Variants in CSNK2A1 observed in about 807,000 individuals in gnomAD.
The protein encoded by CSNK2A1 is casein kinase II subunit alpha.
CSNK2A1 carries 10 observed loss-of-function variants against 62.9 expected under a neutral mutation model. The observed-to-expected ratio is 0.16, with a 90% CI of 0.10 to 0.27. CSNK2A1 has a LOEUF of 0.27. Among genes scored for constraint, CSNK2A1 ranks in the 10% least tolerant of loss-of-function variants. The pLI is 1.00. For missense variants in CSNK2A1, 160 were observed against 492.0 expected (o/e 0.33, Z 6.38); for synonymous variants, 124 against 167.8 (o/e 0.74, Z 2.02).
chr20:536,655 C>G (rs2019334699), intron 1 of CSNK2A1, among the ~76,000 whole-genome samples: 1 of 152,182 alleles, frequency 6.6e-6, no homozygotes, highest in Non-Finnish European at 1.5e-5. Flanking sequence ...ATTCTCTATT[C>G]TACCCCCTTC....
chr20:506,078 G>C (rs7267728), intron 3 of CSNK2A1: 9 of 151,574 alleles, frequency 5.9e-5, no homozygotes, highest in Non-Finnish European at 1.0e-4. Context: ...GGGTTTCACC[G>C]TGTTAGCCAG....
intron 4 of CSNK2A1, chr20:502,762 C>T (rs1158456058): frequency 6.6e-6 from 1 of 152,196 alleles, no homozygotes; most frequent in Non-Finnish European, 1.5e-5. Context: ...TTATTTTTTC[C>T]AGGCCTTCGC....
At chr20:520,742 C>T (rs1364392129) in intron 2 of CSNK2A1, among the ~76,000 whole-genome samples, 2 of 152,166 alleles carry the variant, frequency 1.3e-5, no homozygotes, top group Non-Finnish European at 2.9e-5. Context: ...TCAACTGATC[C>T]ACCTGCCTTG....
intron 9 of CSNK2A1, among the ~76,000 whole-genome samples, chr20:491,856 G>A (rs1434945578): frequency 2.6e-5 from 4 of 152,002 alleles, no homozygotes; most frequent in African/African-American, 7.3e-5. Flanking sequence ...CCTGGGAGGC[G>A]GAGCTTGCAG....
intron 7 of CSNK2A1, chr20:496,234 C>G (rs2018344526): frequency 6.0e-6 from 1 of 166,142 alleles, no homozygotes; most frequent in African/African-American, 2.4e-5. Flanking sequence ...CAAATTTGGC[C>G]TGATGTCTGC....
chr20:521,440 A>C (rs1271358865), intron 2 of CSNK2A1, among the ~76,000 whole-genome samples: 1 of 152,260 alleles, frequency 6.6e-6, no homozygotes, highest in Non-Finnish European at 1.5e-5. Flanking sequence ...ATGCAGAGTA[A>C]CAGTAACTAA....
chr20:490,337 T>TTTTTC (rs1195131899), intron 9 of CSNK2A1, among the ~76,000 whole-genome samples: 8 of 132,320 alleles, frequency 6.0e-5, no homozygotes, highest in African/African-American at 2.1e-4. Flanking sequence ...AGTTTTTTCT[T>TTTTTC]TTTTTTTTTT....
intron 1 of CSNK2A1, among the ~76,000 whole-genome samples, chr20:536,785 T>G (rs2019339789): frequency 6.6e-6 from 1 of 152,206 alleles, no homozygotes; most frequent in Admixed American, 6.5e-5. Context: ...TCAGAAAACG[T>G]CACTCAATTT....
intron 2 of CSNK2A1, among the ~76,000 whole-genome samples, chr20:522,178 G>T (rs2018965081): frequency 6.6e-6 from 1 of 152,178 alleles, no homozygotes; most frequent in Admixed American, 6.5e-5. Flanking sequence ...CTCCTTTAAG[G>T]AAAGGAAATA....
chr20:488,651 A>G lies in CSNK2A1; in HGVS notation c.824+27T>C, dbSNP rs751452414. On this transcript the variant is annotated intron_variant, in intron 11 of 13. Transcript: ENST00000217244. ...CACTCTCAAAGTGCTTAAGCCACAG[A>G]TGCACATATTTTGTTTCATGACTTA... The G allele has an allele frequency of 3.7e-6, 6 of 1,605,572 alleles. No homozygotes were observed. In the East Asian group the frequency reaches 1.3e-4, roughly 36 times the overall value.
chr20:485,109 A>ATAATAATAATAATAT (rs1366439608), intron 13 of CSNK2A1, among the ~76,000 whole-genome samples: 1 of 24,664 alleles, frequency 4.1e-5, no homozygotes, highest in African/African-American at 1.4e-4. Flanking sequence ...AAAAAAAAAA[A>ATAATAATAATAATAT]ATATATATAT....
At chr20:524,687 T>C (rs933751522) in intron 2 of CSNK2A1, among the ~76,000 whole-genome samples, 19 of 115,528 alleles carry the variant, frequency 1.6e-4, no homozygotes, top group African/African-American at 5.3e-4. Flanking sequence ...CACTCCAGCA[T>C]GGGTGACGGA....
Position 516,171 on chromosome 20 carries a change from C to A in CSNK2A1, c.-109-7511G>T, listed in dbSNP as rs560196045. Among the ~76,000 whole-genome samples the A allele has an allele frequency of 2.0e-4, 31 of 152,334 alleles. No homozygotes were observed. The South Asian group carries it at 2.3e-3, about 11-fold the overall frequency. ...AAGGCAATCTAACAAAATGCACTGC[C>A]TTTCTTATTAAGTTCCATTTTAAAT... is the stretch of plus-strand genomic sequence containing the variant. On this transcript the variant is annotated intron_variant, in intron 2 of 13. Coordinates refer to ENST00000217244, the MANE Select transcript of CSNK2A1 (RefSeq NM_177559.3).
intron 1 of CSNK2A1, among the ~76,000 whole-genome samples, chr20:534,155 T>C (rs1189252654): frequency 1.2e-4 from 19 of 152,154 alleles, no homozygotes; most frequent in Admixed American, 1.2e-3. Flanking sequence ...ATAAACAGAT[T>C]CAGAGGTTAA....
Position 508,547 on chromosome 20 carries a change from G to A in CSNK2A1, c.5C>T (p.Ser2Leu). 2.5e-6 allele frequency: 4 copies of A among 1,612,114 alleles called. No homozygotes were observed. The highest frequency in any genetic ancestry group is 3.4e-6 in the Non-Finnish European group (4 of 1,178,914). ...TCTGGCCCTGCTTGGCACGGGTCCC[G>A]ACATGTCAGACAGGTTGGCGGACAA... MSGPVPSRARVY... is the reference protein window; with the variant it reads MLGPVPSRARVY... The change falls in exon 3 of 14, where the codon TCG (serine) becomes TTG (leucine). Residue 2 changes from serine to leucine, a missense_variant. Physicochemically the swap from Ser to Leu is moderately radical, Grantham distance 145. This residue lies in a region of CSNK2A1 where 15 missense variants were observed against 25.6 expected (regional missense o/e 0.59). Coordinates refer to ENST00000217244, the MANE Select transcript of CSNK2A1 (RefSeq NM_177559.3).
intron 7 of CSNK2A1, 54 bp downstream of exon 7, chr20:497,667 T>C: frequency 6.9e-7 from 1 of 1,457,898 alleles, no homozygotes; most frequent in East Asian, 2.3e-5. Context: ...CAATTGACTA[T>C]TTAACAAAAA....
In CSNK2A1 at chr20:479,614, A is replaced by C. The variant is rs2017914638; in HGVS notation, c.*4347T>G. ...CCAGACAGAACTCTGTTAGAGGTAG[A>C]CCACTTGCAGTAACATTACATTGCT... On this transcript the variant is annotated 3_prime_UTR_variant, in exon 14 of 14. Transcript: ENST00000217244. 6.6e-6 allele frequency: 1 copy of C among 152,236 alleles called. No homozygotes were observed. The allele number at this position is 152,236 out of a possible 1,614,324, so 9.4% of individuals were successfully genotyped here.
intron 2 of CSNK2A1, among the ~76,000 whole-genome samples, chr20:517,108 G>C (rs1298361028): frequency 6.6e-6 from 1 of 152,174 alleles, no homozygotes; most frequent in Non-Finnish European, 1.5e-5. Flanking sequence ...AGACAAACAA[G>C]ACTTGTGGAA....
intron 2 of CSNK2A1, among the ~76,000 whole-genome samples, chr20:515,457 G>A (rs748897079): frequency 6.6e-6 from 1 of 152,146 alleles, no homozygotes; most frequent in East Asian, 1.9e-4. Context: ...ACAACTCTAC[G>A]AGGCAAGCAT....
Sources: allele counts gnomAD v4.1 joint callset (sites outside exome capture counted in the v4.1 genomes callset), GRCh38; gene constraint gnomAD v4.1.1; regional missense constraint gnomAD v4.1.1; transcripts MANE v1.5; gene names NCBI Gene and HGNC (gene_info 2026-07-23, HGNC 2026-07-21).